IL22RA1: variants seen among roughly 807,000 people sequenced by gnomAD.
IL22RA1 encodes interleukin 22 receptor subunit alpha 1, also known as interleukin-22 receptor subunit alpha-1.
IL22RA1 carries 25 observed loss-of-function variants against 32.8 expected under a neutral mutation model. That is an observed-to-expected ratio of 0.76 (90% CI 0.55 to 1.06). The LOEUF (loss-of-function observed/expected upper bound fraction) is 1.06, where lower values mean the gene tolerates loss of function less well. Among genes scored for constraint, IL22RA1 ranks in the 50% least tolerant of loss-of-function variants. IL22RA1 has a pLI of 0.00. For synonymous variants in IL22RA1, 305 were observed against 305.0 expected, an observed-to-expected ratio of 1.00 and a Z score of 0.00; for missense variants, 709 against 727.4, an observed-to-expected ratio of 0.97 and a Z score of 0.29.
At chr1:24,140,623 G>GGGAGGGGCTGC (rs1553160546) in intron 1 of IL22RA1, among the ~76,000 whole-genome samples, 2 of 152,186 alleles carry the variant, frequency 1.3e-5, no homozygotes, top group Admixed American at 6.5e-5. Flanking sequence ...GAAGGGGCTG[G>GGGAGGGGCTGC]GGAGGGGCTG....
At chr1:24,129,526 C>G (rs976065010) in intron 4 of IL22RA1, among the ~76,000 whole-genome samples, 12 of 152,204 alleles carry the variant, frequency 7.9e-5, no homozygotes, top group African/African-American at 2.4e-4. Context: ...CTTCTAATCT[C>G]CAGGGCCTAA....
chr1:24,121,203 C>G lies in IL22RA1; in HGVS notation c.1327G>C (p.Gly443Arg). The change falls in exon 7 of 7, where the codon GGT becomes CGT. Residue 443 changes from glycine to arginine, a missense_variant. Coordinates refer to ENST00000270800, the MANE Select transcript of IL22RA1 (RefSeq NM_021258.4). ...KEPPAGSCML[G>R]GLSLQEVTSL... is the part of the protein sequence containing the mutation. ...GTCACCTCCTGCAGAGAAAGGCCAC[C>G]TAACATGCAGCTTCCAGCTGGTGGC... 1 of 1,614,238 alleles carries G rather than the reference C, an allele frequency of 6.2e-7. No individual in the cohort carries two copies. The highest frequency in any genetic ancestry group is 2.2e-5 in the East Asian group (1 of 44,892).
At chr1:24,124,856 AT>A (rs1644150440) in intron 5 of IL22RA1, among the ~76,000 whole-genome samples, 1 of 152,178 alleles carries the variant, frequency 6.6e-6, no homozygotes, top group African/African-American at 2.4e-5. Context: ...TGTCTATAAC[AT>A]TCCTGGAAAA....
At chr1:24,142,293 G>A (rs151021007) in intron 1 of IL22RA1, among the ~76,000 whole-genome samples, 8 of 152,312 alleles carry the variant, frequency 5.3e-5, no homozygotes, top group Admixed American at 2.6e-4. Flanking sequence ...ATACCTGCTC[G>A]CCATCCTCAA....
chr1:24,137,309 C>T lies in IL22RA1; in HGVS notation c.177G>A (p.Thr59=). The T allele has an allele frequency of 1.2e-6, 2 of 1,613,120 alleles. No homozygotes were observed. The highest frequency in any genetic ancestry group is 1.7e-6 in the Non-Finnish European group (2 of 1,179,252). Residue 59 remains threonine, a splice_region_variant and synonymous_variant, in exon 3 of 7, where the codon ACG becomes ACA. Transcript: ENST00000270800. ...TTGCCACCCAGTCCCTCTCTCCGTA[C>T]CTGCAGGTCAGGAAGGGGCCAAGTC... ...PDTVYSIEYK[T]YGERDWVAKK... is the part of the protein sequence containing the mutation.
rs1446726746 is a variant in IL22RA1, at chr1:24,137,048, C to T, written c.355+83G>A. 10 of 1,366,458 alleles carry T rather than the reference C, an allele frequency of 7.3e-6. No individual in the cohort carries two copies. In the African/African-American group the frequency reaches 1.4e-4, roughly 19 times the overall value. The allele number at this position is 1,366,458 out of a possible 1,614,324, so 84.6% of individuals were successfully genotyped here. A position where few individuals can be genotyped will look rare whatever the true frequency, so the allele number is the denominator to read the frequency against. On this transcript the variant is annotated intron_variant, in intron 3 of 6. Coordinates refer to ENST00000270800, the MANE Select transcript of IL22RA1 (RefSeq NM_021258.4). ...CCCCTTCTGGACCCTCCACCCACTCCAGAGGGGAAGAGGCCATCCCACCCC... is the reference window on the plus strand; with the variant it reads ...CCCCTTCTGGACCCTCCACCCACTCTAGAGGGGAAGAGGCCATCCCACCCC...
chr1:24,137,003 G>T, intron 3 of IL22RA1, 128 bp downstream of exon 3: 1 of 822,236 alleles, frequency 1.2e-6, no homozygotes, highest in Non-Finnish European at 1.9e-6. Flanking sequence ...ATCCCCAGCT[G>T]CCCCTCCCCT....
Position 24,134,181 on chromosome 1 carries a change from G to A in IL22RA1, c.531+30C>T, listed in dbSNP as rs373213925. The A allele has an allele frequency of 5.1e-6, 8 of 1,575,338 alleles. No individual in the cohort carries two copies. In the African/African-American group the frequency reaches 1.1e-4, roughly 22 times the overall value. ...TGGGAGGGAAGAGGCTTCCTAGGCA[G>A]AGAAAGACCAGGGTGCAACATACAC... On this transcript the variant is annotated intron_variant, in intron 4 of 6. Transcript: ENST00000270800.
At chr1:24,127,153 C>G (rs1403637076) in intron 5 of IL22RA1, among the ~76,000 whole-genome samples, 1 of 152,048 alleles carries the variant, frequency 6.6e-6, no homozygotes, top group Non-Finnish European at 1.5e-5. Context: ...CCACTGCACT[C>G]CAGCCTGAGT....
intron 4 of IL22RA1, among the ~76,000 whole-genome samples, chr1:24,132,333 GT>G (rs756832081): frequency 1.4e-3 from 187 of 135,222 alleles, no homozygotes; most frequent in East Asian, 2.3e-3. Flanking sequence ...TTGTGTGTGT[GT>G]TTTTTTTTTT....
At chr1:24,134,450 A>ACT in intron 3 of IL22RA1, 64 bp from the exon 4 acceptor site, 1 of 1,220,030 alleles carries the variant, frequency 8.2e-7, no homozygotes, top group Non-Finnish European at 1.1e-6. Flanking sequence ...TGTCTGAGGC[A>ACT]ACCTTGGACA....
Position 24,122,958 on chromosome 1 carries a change from G to A in IL22RA1, c.792+344C>T, listed in dbSNP as rs1023434814. Among the ~76,000 whole-genome samples the A allele has an allele frequency of 5.3e-5, 8 of 152,300 alleles. No individual in the cohort carries two copies. The South Asian group carries it at 1.7e-3, about 32-fold the overall frequency. ...TGGTGCCCGGCTGCCCATTTAGACA[G>A]GGCATGAGTGCCACGGCTCTCCTGG... On this transcript the variant is annotated intron_variant, in intron 6 of 6. Transcript: ENST00000270800.
chr1:24,137,443 T>C, intron 2 of IL22RA1, 134 bp from the exon 3 acceptor site: 1 of 691,354 alleles, frequency 1.4e-6, no homozygotes, highest in Non-Finnish European at 2.4e-6. Flanking sequence ...ATGCGAATGA[T>C]CTCATTTTGT....
At position 24,142,980 on chromosome 1, in the gene IL22RA1, A is replaced by G. The variant is rs900138079; in HGVS notation, c.43+60T>C. ...GGCTGGGGAGGGTGCTGGGGAGATG[A>G]CCCTGATCGTTGGCCCCTGGGATAA... On this transcript the variant is annotated intron_variant, in intron 1 of 6. Transcript: ENST00000270800. The G allele has an allele frequency of 9.3e-6, 14 of 1,499,814 alleles. No homozygotes were observed. The African/African-American group carries it at 1.8e-4, about 19-fold the overall frequency. The allele number at this position is 1,499,814 out of a possible 1,614,324, so 92.9% of individuals were successfully genotyped here.
intron 3 of IL22RA1, among the ~76,000 whole-genome samples, chr1:24,136,623 C>T (rs747201838): frequency 6.6e-5 from 10 of 152,162 alleles, no homozygotes; most frequent in Non-Finnish European, 2.9e-5. Flanking sequence ...CTGTCAGAAG[C>T]TTGGCTGCTC....
At chr1:24,132,673 CT>C (rs1644214422) in intron 4 of IL22RA1, among the ~76,000 whole-genome samples, 1 of 151,686 alleles carries the variant, frequency 6.6e-6, no homozygotes, top group South Asian at 2.1e-4. Context: ...TCTTTATGCT[CT>C]TGTCAAAGTG....
chr1:24,138,153 G>A (rs1224048875), intron 2 of IL22RA1, among the ~76,000 whole-genome samples: 3 of 152,152 alleles, frequency 2.0e-5, no homozygotes, highest in African/African-American at 7.2e-5. Flanking sequence ...AGAGGGGCTG[G>A]GTGCATCTTC....
intron 5 of IL22RA1, among the ~76,000 whole-genome samples, chr1:24,127,007 C>G (rs1644165834): frequency 7.7e-6 from 1 of 130,226 alleles, no homozygotes; most frequent in Non-Finnish European, 1.6e-5. Flanking sequence ...TCCGTCTCTA[C>G]TAAAAATACA....
At position 24,122,221 on chromosome 1, in the gene IL22RA1, C is replaced by T. The variant is rs545047452; in HGVS notation, c.793-484G>A. Among the ~76,000 whole-genome samples, 41 of 152,278 alleles carry T rather than the reference C, an allele frequency of 2.7e-4. 1 individual carries two copies. The South Asian group carries it at 4.4e-3, about 16-fold the overall frequency. On this transcript the variant is annotated intron_variant, in intron 6 of 6. Coordinates refer to ENST00000270800, the MANE Select transcript of IL22RA1 (RefSeq NM_021258.4). ...CTCCCTCAGAGCTCCTCTGTCCCTC[C>T]GATGGGCAAGAGCAGGCTCCGGGTG...
Sources: gnomAD v4.1 joint callset for allele counts (sites outside exome capture counted in the v4.1 genomes callset) on GRCh38, gnomAD v4.1.1 for gene constraint, MANE v1.5 for transcripts, NCBI Gene and HGNC (gene_info 2026-07-23, HGNC 2026-07-21) for gene names.